PPP6C: variants seen among roughly 807,000 people sequenced by gnomAD.
PPP6C encodes serine/threonine-protein phosphatase 6 catalytic subunit.
Under a neutral mutation model 39.8 loss-of-function variants are expected in PPP6C, and 11 were observed. That is an observed-to-expected ratio of 0.28 (90% CI 0.17 to 0.46). The LOEUF (loss-of-function observed/expected upper bound fraction) is 0.46, where lower values mean the gene tolerates loss of function less well. Among genes scored for constraint, PPP6C ranks in the 20% least tolerant of loss-of-function variants. The pLI is 1.00. For synonymous variants in PPP6C, 129 were observed against 130.3 expected, an observed-to-expected ratio of 0.99 and a Z score of 0.07; for missense variants, 211 against 373.9, an observed-to-expected ratio of 0.56 and a Z score of 3.59.
chr9:125,187,820 G>A (rs1399740518), intron 1 of PPP6C, among the ~76,000 whole-genome samples: 1 of 151,910 alleles, frequency 6.6e-6, no homozygotes, highest in East Asian at 1.9e-4. Context: ...CAAAAGGAAT[G>A]TCTGAAGGAC....
At chr9:125,151,194 G>A (rs1835931563) in intron 6 of PPP6C, 1 of 1,497,352 alleles carries the variant, frequency 6.7e-7, no homozygotes. Flanking sequence ...TTGCAGACAG[G>A]CTGAATGTGG....
rs1269213790 is a variant in PPP6C at position 125,149,074 on chromosome 9, G to A, written c.*599C>T. 3 of 152,116 alleles carry A rather than the reference G, an allele frequency of 2.0e-5. No individual in the cohort carries two copies. The highest frequency in any genetic ancestry group is 4.4e-5 in the Non-Finnish European group (3 of 68,016). 9.4% of individuals were successfully genotyped at this position (152,116 alleles called of 1,614,324 possible). A position where few individuals can be genotyped will look rare whatever the true frequency, so the allele number is the denominator to read the frequency against. On this transcript the variant is annotated 3_prime_UTR_variant, in exon 7 of 7. Transcript: ENST00000373547. ...CAATACAATTATCTTAAAGTACAAA[G>A]TCATAAGCTGTAGCAGTTTTTAACT...
chr9:125,167,734 G>A (rs1413506389), intron 2 of PPP6C, among the ~76,000 whole-genome samples: 1 of 146,884 alleles, frequency 6.8e-6, no homozygotes, highest in African/African-American at 2.5e-5. Context: ...TTTTAGAGAT[G>A]GGGAGTCTCA....
chr9:125,154,077 A>G, intron 4 of PPP6C, 92 bp from the exon 5 acceptor site: 1 of 968,290 alleles, frequency 1.0e-6, no homozygotes, highest in South Asian at 1.5e-5. Context: ...GTACAACAGA[A>G]ATTCAGCTTA....
chr9:125,166,905 T>C (rs190213964), intron 2 of PPP6C, among the ~76,000 whole-genome samples: 2 of 152,022 alleles, frequency 1.3e-5, no homozygotes, highest in Non-Finnish European at 2.9e-5. Flanking sequence ...ACAGACTTTT[T>C]TCTTTTTCTT....
chr9:125,159,770 G>A (rs1047355646), intron 3 of PPP6C, among the ~76,000 whole-genome samples: 1 of 152,210 alleles, frequency 6.6e-6, no homozygotes, highest in Non-Finnish European at 1.5e-5. Context: ...CCAGCACTTT[G>A]GGAGGCCAAG....
intron 1 of PPP6C, among the ~76,000 whole-genome samples, chr9:125,176,440 G>C (rs1829299465): frequency 6.6e-6 from 1 of 152,154 alleles, no homozygotes; most frequent in African/African-American, 2.4e-5. Flanking sequence ...CGTATCACTT[G>C]AGCTCAGGAG....
chr9:125,181,416 T>C (rs553547101), intron 1 of PPP6C, among the ~76,000 whole-genome samples: 8 of 152,278 alleles, frequency 5.3e-5, no homozygotes, highest in African/African-American at 1.9e-4. Context: ...CCACGTGCCA[T>C]GGTGGTTTCC....
At chr9:125,151,636 C>G in intron 6 of PPP6C, 1 of 631,778 alleles carries the variant, frequency 1.6e-6, no homozygotes, top group South Asian at 1.5e-5. Flanking sequence ...CCACCCCACC[C>G]CTTGTTTTCC....
At chr9:125,173,404 C>CAAAAA (rs1157793278) in intron 1 of PPP6C, among the ~76,000 whole-genome samples, 10 of 50,770 alleles carry the variant, frequency 2.0e-4, no homozygotes, top group African/African-American at 7.7e-4. Context: ...GACTCCCTCT[C>CAAAAA]AAAAAAAAAA....
chr9:125,189,797 G>A lies in PPP6C; in HGVS notation c.-79C>T, dbSNP rs1254770829. 2 of 1,482,592 alleles carry A rather than the reference G, an allele frequency of 1.3e-6. No individual in the cohort carries two copies. Among genetic ancestry groups the A allele is most frequent in the African/African-American group, 2.9e-5 (2 of 68,492 alleles). The allele number at this position is 1,482,592 out of a possible 1,614,324, so 91.8% of individuals were successfully genotyped here. A position where few individuals can be genotyped will look rare whatever the true frequency, so the allele number is the denominator to read the frequency against. ...GCGGCAGCGGCGGAGGCCGAAGCCGGAACTTTCCCTGCGTCACGTCCGGCC... is the reference window on the plus strand; with the variant it reads ...GCGGCAGCGGCGGAGGCCGAAGCCGAAACTTTCCCTGCGTCACGTCCGGCC... On this transcript the variant is annotated 5_prime_UTR_variant, in exon 1 of 7. Transcript: ENST00000373547.
chr9:125,156,359 C>T (rs1836075229), intron 4 of PPP6C, among the ~76,000 whole-genome samples: 1 of 152,128 alleles, frequency 6.6e-6, no homozygotes, highest in Non-Finnish European at 1.5e-5. Flanking sequence ...CTGCAACCTC[C>T]ACCTCCCGGG....
chr9:125,171,549 G>T (rs1829166208), intron 1 of PPP6C, among the ~76,000 whole-genome samples: 1 of 128,430 alleles, frequency 7.8e-6, no homozygotes, highest in African/African-American at 2.8e-5. Context: ...AAGGTTTTTG[G>T]GTTTTTTTGT....
chr9:125,164,762 G>A (rs1314696935), intron 2 of PPP6C, among the ~76,000 whole-genome samples: 2 of 151,496 alleles, frequency 1.3e-5, no homozygotes, highest in African/African-American at 2.4e-5. Context: ...TTTTTGAGAC[G>A]GAGTCTCGCT....
At chr9:125,175,907 T>C (rs373924764) in intron 1 of PPP6C, among the ~76,000 whole-genome samples, 12 of 152,244 alleles carry the variant, frequency 7.9e-5, no homozygotes, top group African/African-American at 2.9e-4. Flanking sequence ...TACATTCTAA[T>C]AGAATGAGAC....
At chr9:125,188,763 GAC>G (rs1286137791) in intron 1 of PPP6C, among the ~76,000 whole-genome samples, 1 of 147,308 alleles carries the variant, frequency 6.8e-6, no homozygotes, top group African/African-American at 2.5e-5. Flanking sequence ...CAGCCTGGGT[GAC>G]AGAGTGAGAC....
At chr9:125,176,421 C>T (rs1829298874) in intron 1 of PPP6C, among the ~76,000 whole-genome samples, 2 of 152,008 alleles carry the variant, frequency 1.3e-5, no homozygotes, top group African/African-American at 2.4e-5. Flanking sequence ...TTTGGGAGGC[C>T]GAGGTGAGCG....
Position 125,171,136 on chromosome 9 carries a change from A to G in PPP6C, c.120T>C (p.Asn40=), listed in dbSNP as rs1200030129. ...TTACTGGTGTTGATACTGGCTGAAC[A>G]TTTGACTCTTCTAAGAGGAGGTCAC... is the stretch of plus-strand genomic sequence containing the variant. ...YVCDLLLEES[N]VQPVSTPVTV... The change falls in exon 2 of 7, where the codon AAT becomes AAC. Residue 40 remains asparagine (N), a synonymous_variant. Transcript: ENST00000373547. 3.1e-6 allele frequency: 5 copies of G among 1,605,972 alleles called. No individual in the cohort carries two copies. The Admixed American group carries it at 8.5e-5, about 27-fold the overall frequency.
At chr9:125,186,129 CTTCTT>C (rs1829526037) in intron 1 of PPP6C, among the ~76,000 whole-genome samples, 1 of 152,002 alleles carries the variant, frequency 6.6e-6, no homozygotes, top group African/African-American at 2.4e-5. Context: ...AAATTTCTGT[CTTCTT>C]TTCTACAGAA....
Sources: gnomAD v4.1 joint callset for allele counts (sites outside exome capture counted in the v4.1 genomes callset) on GRCh38, gnomAD v4.1.1 for gene constraint, MANE v1.5 for transcripts, NCBI Gene and HGNC (gene_info 2026-07-23, HGNC 2026-07-21) for gene names.